The following SYN3 variants were observed in gnomAD, a reference collection of about 807,000 sequenced individuals.
The protein encoded by SYN3 is synapsin-3.
SYN3 carries 35 observed loss-of-function variants against 65.8 expected under a neutral mutation model. That is an observed-to-expected ratio of 0.53 (90% CI 0.41 to 0.70). The LOEUF (loss-of-function observed/expected upper bound fraction) is 0.70. SYN3 is among the 30% of genes least tolerant of loss of function. SYN3 has a pLI of 0.00. For synonymous variants in SYN3, 270 were observed against 292.9 expected (o/e 0.92, Z 0.80); for missense variants, 680 against 749.0 (o/e 0.91, Z 1.08).
chr22:33,003,030 C>G (rs2053105107), intron 2 of SYN3, among the ~76,000 whole-genome samples: 1 of 152,186 alleles, frequency 6.6e-6, no homozygotes, highest in Non-Finnish European at 1.5e-5. Flanking sequence ...ACTTGGCACT[C>G]ATTCATTCTC....
chr22:32,720,903 A>G (rs1276802818), intron 6 of SYN3, among the ~76,000 whole-genome samples: 1 of 151,498 alleles, frequency 6.6e-6, no homozygotes, highest in East Asian at 1.9e-4. Context: ...CTCTACCCCC[A>G]CCTCTCTGCA....
chr22:32,594,264 A>G (rs60187676), intron 7 of SYN3, among the ~76,000 whole-genome samples: 4,133 of 152,280 alleles, frequency 0.027, 172 homozygotes, highest in African/African-American at 0.092. Flanking sequence ...TCTGGGATAC[A>G]GCAGTGGAAA....
chr22:32,517,625 G>A (rs2057799663), intron 13 of SYN3, among the ~76,000 whole-genome samples: 1 of 152,146 alleles, frequency 6.6e-6, no homozygotes, highest in South Asian at 2.1e-4. Flanking sequence ...TATCTGAAAT[G>A]TGAATCTAAC....
chr22:32,850,345 C>G (rs2048183212), intron 6 of SYN3, among the ~76,000 whole-genome samples: 1 of 151,926 alleles, frequency 6.6e-6, no homozygotes, highest in East Asian at 1.9e-4. Context: ...GCTTGGTGCT[C>G]CTAACATCCT....
intron 12 of SYN3, among the ~76,000 whole-genome samples, chr22:32,521,080 CA>C: frequency 6.6e-6 from 1 of 152,290 alleles, no homozygotes; most frequent in South Asian, 2.1e-4. Context: ...TGGGAGGTCA[CA>C]TTTATCTCAA....
chr22:32,656,216 A>T (rs2060140642), intron 6 of SYN3, among the ~76,000 whole-genome samples: 1 of 152,188 alleles, frequency 6.6e-6, no homozygotes, highest in Admixed American at 6.5e-5. Flanking sequence ...CCCTTTCAGC[A>T]CAGTGGTTAT....
intron 7 of SYN3, among the ~76,000 whole-genome samples, chr22:32,579,805 C>T (rs769653642): frequency 1.6e-4 from 24 of 152,134 alleles, no homozygotes; most frequent in Non-Finnish European, 3.2e-4. Context: ...GTCTAATTAT[C>T]CTGCTTATCA....
intron 6 of SYN3, among the ~76,000 whole-genome samples, chr22:32,863,784 G>C (rs1228147064): frequency 6.6e-6 from 1 of 152,198 alleles, no homozygotes; most frequent in Non-Finnish European, 1.5e-5. Flanking sequence ...GGCTCACAGA[G>C]ATAAAGTCAT....
intron 6 of SYN3, among the ~76,000 whole-genome samples, chr22:32,815,853 A>G (rs2047075974): frequency 6.6e-6 from 1 of 152,086 alleles, no homozygotes; most frequent in Non-Finnish European, 1.5e-5. Flanking sequence ...CGGTCACCCC[A>G]CTGCATGATG....
At chr22:33,055,839 AATAGAC>A (rs1373794342) in intron 1 of SYN3, among the ~76,000 whole-genome samples, 4 of 152,144 alleles carry the variant, frequency 2.6e-5, no homozygotes, top group Non-Finnish European at 5.9e-5. Flanking sequence ...TATCTCCTCT[AATAGAC>A]TGAGCTTTCT....
intron 6 of SYN3, among the ~76,000 whole-genome samples, chr22:32,604,082 C>T (rs2059327874): frequency 6.6e-6 from 1 of 152,230 alleles, no homozygotes; most frequent in Non-Finnish European, 1.5e-5. Context: ...CCTCAATCCA[C>T]AGAGTCAGAG....
At chr22:32,689,956 A>G (rs892092492) in intron 6 of SYN3, among the ~76,000 whole-genome samples, 10 of 152,206 alleles carry the variant, frequency 6.6e-5, no homozygotes, top group African/African-American at 2.4e-4. Context: ...CAGGAGGATT[A>G]CCTGAGGTCA....
intron 6 of SYN3, among the ~76,000 whole-genome samples, chr22:32,673,776 A>G (rs904392026): frequency 6.6e-6 from 1 of 152,216 alleles, no homozygotes; most frequent in Admixed American, 6.5e-5. Context: ...CCAAGAGTTC[A>G]ATACAGCTGA....
At chr22:32,779,287 C>T (rs892212642) in intron 6 of SYN3, among the ~76,000 whole-genome samples, 22 of 152,004 alleles carry the variant, frequency 1.4e-4, no homozygotes, top group African/African-American at 4.6e-4. Context: ...TGGCAAAAAC[C>T]CATCTCTACT....
intron 3 of SYN3, among the ~76,000 whole-genome samples, chr22:32,956,062 A>ATATATATATATATATATATATATATATAT (rs58485646): frequency 4.8e-5 from 7 of 144,900 alleles, no homozygotes; most frequent in African/African-American, 1.3e-4. Context: ...ATATATATAT[A>ATATATATATATATATATATATATATATAT]AAATCTCCTA....
chr22:32,803,818 A>T (rs1365773156), intron 6 of SYN3, among the ~76,000 whole-genome samples: 1 of 152,156 alleles, frequency 6.6e-6, no homozygotes, highest in Admixed American at 6.5e-5. Flanking sequence ...TCTGCTGGAA[A>T]ATGGGCTGGG....
At chr22:32,689,619 A>G (rs2060636296) in intron 6 of SYN3, among the ~76,000 whole-genome samples, 1 of 152,082 alleles carries the variant, frequency 6.6e-6, no homozygotes, top group African/African-American at 2.4e-5. Flanking sequence ...GCTTCTCTTT[A>G]TTGGGCACCG....
chr22:32,655,040 G>T (rs2060123396), intron 6 of SYN3, among the ~76,000 whole-genome samples: 1 of 152,230 alleles, frequency 6.6e-6, no homozygotes, highest in African/African-American at 2.4e-5. Flanking sequence ...GCTCAAAGCT[G>T]CTATGGTTTG....
At chr22:32,855,787 A>G (rs1011874050) in intron 6 of SYN3, among the ~76,000 whole-genome samples, 11 of 152,148 alleles carry the variant, frequency 7.2e-5, no homozygotes, top group African/African-American at 2.7e-4. Flanking sequence ...ACATGTCCCA[A>G]ATATTTCCTA....
Sources: allele counts gnomAD v4.1 joint callset (sites outside exome capture counted in the v4.1 genomes callset), GRCh38; gene constraint gnomAD v4.1.1; transcripts MANE v1.5; gene names NCBI Gene and HGNC (gene_info 2026-07-23, HGNC 2026-07-21).